AGK: variants seen among roughly 807,000 people sequenced by gnomAD.
The protein encoded by AGK is acylglycerol kinase.
A neutral mutation model predicts 66.4 loss-of-function variants in AGK; 52 were observed. The observed-to-expected ratio is 0.78, with a 90% CI of 0.63 to 0.99. AGK has a LOEUF of 0.99. AGK is among the 50% of genes least tolerant of loss of function. The probability of loss-of-function intolerance (pLI) is 0.00; values close to 1 mark genes in which losing one functional copy is unlikely to be tolerated. For missense variants in AGK, 451 were observed against 506.6 expected (o/e 0.89, Z 1.05); for synonymous variants, 182 against 181.1 (o/e 1.00, Z -0.04).
At chr7:141,597,496 A>C (rs1455521432) in intron 4 of AGK, among the ~76,000 whole-genome samples, 1 of 152,150 alleles carries the variant, frequency 6.6e-6, no homozygotes, top group Non-Finnish European at 1.5e-5. Context: ...AAATAGTCAG[A>C]ATTAAAGGGT....
At chr7:141,564,916 G>A (rs757486490) in intron 2 of AGK, among the ~76,000 whole-genome samples, 6 of 151,936 alleles carry the variant, frequency 3.9e-5, no homozygotes, top group Non-Finnish European at 8.8e-5. Flanking sequence ...TAGTAGGGAC[G>A]GGGTTTCTCC....
At chr7:141,605,283 T>C (rs552785123) in intron 5 of AGK, among the ~76,000 whole-genome samples, 1 of 152,314 alleles carries the variant, frequency 6.6e-6, no homozygotes, top group South Asian at 2.1e-4. Context: ...CTGGGAATCG[T>C]CGAGGAGTAT....
intron 5 of AGK, among the ~76,000 whole-genome samples, chr7:141,605,845 C>G (rs927684403): frequency 6.6e-6 from 1 of 152,096 alleles, no homozygotes; most frequent in South Asian, 2.1e-4. Context: ...GCTTTGTCTC[C>G]CATTTGACAT....
intron 2 of AGK, among the ~76,000 whole-genome samples, chr7:141,581,567 G>A (rs1294694024): frequency 6.6e-6 from 1 of 151,848 alleles, no homozygotes; most frequent in Non-Finnish European, 1.5e-5. Context: ...CTGTGGGATG[G>A]GATACTGGCA....
chr7:141,568,914 T>C (rs1365940029), intron 2 of AGK, among the ~76,000 whole-genome samples: 1 of 152,134 alleles, frequency 6.6e-6, no homozygotes, highest in Non-Finnish European at 1.5e-5. Context: ...GCTTCTCAGC[T>C]TAGGATCCTG....
chr7:141,621,634 A>ATG (rs142576028), intron 8 of AGK, 98 bp from the exon 9 acceptor site: 42 of 764,130 alleles, frequency 5.5e-5, no homozygotes, highest in Middle Eastern at 5.2e-4. Context: ...GAGAGAGAAT[A>ATG]TGTGTGTGTG....
intron 10 of AGK, among the ~76,000 whole-genome samples, chr7:141,634,545 G>T (rs1002644788): frequency 6.6e-6 from 1 of 152,148 alleles, no homozygotes; most frequent in Non-Finnish European, 1.5e-5. Context: ...CATGAGAATT[G>T]ACTTATTTTT....
intron 8 of AGK, among the ~76,000 whole-genome samples, chr7:141,617,716 T>G (rs1395571059): frequency 1.3e-5 from 2 of 152,214 alleles, no homozygotes; most frequent in African/African-American, 4.8e-5. Context: ...CTGCCAGCAA[T>G]TTAGGAAAAA....
At chr7:141,567,586 G>A (rs1013798632) in intron 2 of AGK, among the ~76,000 whole-genome samples, 2 of 152,210 alleles carry the variant, frequency 1.3e-5, no homozygotes, top group Non-Finnish European at 2.9e-5. Flanking sequence ...GCTCTCAACT[G>A]GAGAAGAGCA....
chr7:141,609,607 C>G (rs1796536806), intron 5 of AGK, among the ~76,000 whole-genome samples: 1 of 152,186 alleles, frequency 6.6e-6, no homozygotes, highest in Non-Finnish European at 1.5e-5. Context: ...TCCTCACACT[C>G]CATTGCTTAG....
chr7:141,615,484 A>G lies in AGK; in HGVS notation c.437A>G (p.Lys146Arg). 2 of 1,613,660 alleles carry G rather than the reference A, an allele frequency of 1.2e-6. No homozygotes were observed. The highest frequency in any genetic ancestry group is 1.7e-6 in the Non-Finnish European group (2 of 1,179,678). ...TTCCCCCCCCAGGCTACCTTCAGTA[A>G]GATTCCCATTGGATTTATCCCACTG... ...LRRTDEATFS[K>R]IPIGFIPLGE... is the part of the protein sequence containing the mutation. The change falls in exon 8 of 16, where the codon AAG becomes AGG. Residue 146 changes from lysine to arginine, a missense_variant. Coordinates refer to ENST00000649286, the MANE Select transcript of AGK (RefSeq NM_018238.4).
chr7:141,591,082 G>GTTTTT (rs60762855), intron 2 of AGK, among the ~76,000 whole-genome samples: 2 of 61,040 alleles, frequency 3.3e-5, no homozygotes, highest in East Asian at 6.4e-4. Context: ...TTCTTAAGTT[G>GTTTTT]TTTTTTTTTT....
intron 2 of AGK, among the ~76,000 whole-genome samples, chr7:141,556,984 C>T (rs201474175): frequency 6.6e-6 from 1 of 151,844 alleles, no homozygotes; most frequent in African/African-American, 2.4e-5. Context: ...AAAAATTATA[C>T]AAAAGACAGC....
chr7:141,610,850 A>G (rs557405096), intron 5 of AGK, among the ~76,000 whole-genome samples: 8 of 152,324 alleles, frequency 5.3e-5, no homozygotes, highest in African/African-American at 9.6e-5. Context: ...TCCTATTTGC[A>G]TGTACACTTG....
At chr7:141,630,154 T>C (rs1198726327) in intron 9 of AGK, among the ~76,000 whole-genome samples, 1 of 152,234 alleles carries the variant, frequency 6.6e-6, no homozygotes, top group African/African-American at 2.4e-5. Context: ...TAACATGTTA[T>C]GAAACATTTG....
At chr7:141,568,578 T>C (rs528009412) in intron 2 of AGK, among the ~76,000 whole-genome samples, 11 of 151,408 alleles carry the variant, frequency 7.3e-5, no homozygotes, top group African/African-American at 9.7e-5. Context: ...TTCTTTCTTT[T>C]TTTTTTTTTT....
At chr7:141,589,026 C>T (rs567708480) in intron 2 of AGK, among the ~76,000 whole-genome samples, 11 of 152,164 alleles carry the variant, frequency 7.2e-5, no homozygotes, top group African/African-American at 1.9e-4. Flanking sequence ...TATCATATGC[C>T]GCCCTCCTAT....
chr7:141,572,763 T>C (rs2116880492), intron 2 of AGK, among the ~76,000 whole-genome samples: 1 of 152,156 alleles, frequency 6.6e-6, no homozygotes, highest in Non-Finnish European at 1.5e-5. Flanking sequence ...GATTTTATAT[T>C]CTGTTTTAGA....
At chr7:141,557,479 C>T (rs923388126) in intron 2 of AGK, among the ~76,000 whole-genome samples, 4 of 152,204 alleles carry the variant, frequency 2.6e-5, no homozygotes, top group African/African-American at 4.8e-5. Context: ...CTAGGTCAGT[C>T]GGGGAAAATT....
Sources: gnomAD v4.1 joint callset for allele counts (sites outside exome capture counted in the v4.1 genomes callset) on GRCh38, gnomAD v4.1.1 for gene constraint, MANE v1.5 for transcripts, NCBI Gene and HGNC (gene_info 2026-07-23, HGNC 2026-07-21) for gene names.